LZTS1: variants seen among roughly 807,000 people sequenced by gnomAD.
LZTS1 encodes leucine zipper tumor suppressor 1, also known as leucine zipper putative tumor suppressor 1.
Under a neutral mutation model 45.8 loss-of-function variants are expected in LZTS1, and 31 were observed. The observed-to-expected ratio is 0.68, with a 90% CI of 0.51 to 0.91. The LOEUF (loss-of-function observed/expected upper bound fraction) is 0.91. Ranked by LOEUF, LZTS1 falls within the 40% of genes least tolerant of loss-of-function variation. The pLI is 0.00. For missense variants in LZTS1, 821 were observed against 788.9 expected (o/e 1.04, Z -0.49); for synonymous variants, 359 against 357.3 (o/e 1.00, Z -0.05).
chr8:20,258,552 T>C (rs1406054381), intron 1 of LZTS1, among the ~76,000 whole-genome samples: 1 of 152,198 alleles, frequency 6.6e-6, no homozygotes, highest in African/African-American at 2.4e-5. Context: ...AACTTCGTTG[T>C]GTAAGTTTAA....
chr8:20,274,443 G>A (rs1056947204), intron 1 of LZTS1, among the ~76,000 whole-genome samples: 1 of 152,108 alleles, frequency 6.6e-6, no homozygotes, highest in Non-Finnish European at 1.5e-5. Context: ...GAGCATAGCG[G>A]CAATCATCTC....
chr8:20,297,262 C>A (rs1047030054), intron 1 of LZTS1, among the ~76,000 whole-genome samples: 6 of 152,198 alleles, frequency 3.9e-5, no homozygotes, highest in Non-Finnish European at 7.3e-5. Flanking sequence ...GTGGAGGCAA[C>A]ATTTGCTCTA....
intron 3 of LZTS1, among the ~76,000 whole-genome samples, chr8:20,251,150 A>ATATATATATATATATATATATAT (rs1563851104): frequency 2.5e-5 from 2 of 79,004 alleles, no homozygotes; most frequent in Non-Finnish European, 5.4e-5. Flanking sequence ...TATATATATA[A>ATATATATATATATATATATATAT]AATATAAAGT....
At chr8:20,267,237 T>C (rs1800378613) in intron 1 of LZTS1, among the ~76,000 whole-genome samples, 1 of 144,640 alleles carries the variant, frequency 6.9e-6, no homozygotes, top group African/African-American at 2.5e-5. Context: ...CGTCCTTGTG[T>C]TCTTTTCCTC....
chr8:20,246,653 G>A lies in LZTS1; in HGVS notation c.*3069C>T, dbSNP rs1443893562. The A allele has an allele frequency of 1.3e-5, 2 of 152,286 alleles. No individual in the cohort carries two copies. Among genetic ancestry groups the A allele is most frequent in the Non-Finnish European group, 2.9e-5 (2 of 68,100 alleles). The allele number at this position is 152,286 out of a possible 1,614,324, so 9.4% of individuals were successfully genotyped here. On this transcript the variant is annotated 3_prime_UTR_variant, in exon 4 of 4. Coordinates refer to ENST00000381569, the MANE Select transcript of LZTS1 (RefSeq NM_021020.5). ...GCCCCCATATCCCAGTCCCATGTGA[G>A]CTCAGTGCTATAGGGGCTGTGTGTG...
At chr8:20,280,757 C>T (rs1204135297) in intron 1 of LZTS1, among the ~76,000 whole-genome samples, 2 of 152,144 alleles carry the variant, frequency 1.3e-5, no homozygotes, top group Non-Finnish European at 2.9e-5. Flanking sequence ...TCCGGACAGA[C>T]CCAGCTCTCC....
intron 1 of LZTS1, among the ~76,000 whole-genome samples, chr8:20,270,873 G>A (rs1800459936): frequency 6.6e-6 from 1 of 151,520 alleles, no homozygotes; most frequent in South Asian, 2.1e-4. Context: ...AGGGAGACCT[G>A]GTTGATTTCA....
chr8:20,249,536 GCTGGTGAGCACTGGGACAT>G lies in LZTS1; in HGVS notation c.*167_*185del. 1 of 689,006 alleles carries G rather than the reference GCTGGTGAGCACTGGGACAT, an allele frequency of 1.5e-6. No individual in the cohort carries two copies. Among genetic ancestry groups the G allele is most frequent in the Non-Finnish European group, 2.4e-6 (1 of 420,464 alleles). 42.7% of individuals were successfully genotyped at this position (689,006 alleles called of 1,614,324 possible). A position where few individuals can be genotyped will look rare whatever the true frequency, so the allele number is the denominator to read the frequency against. ...GGCCTGACGTCTGGTGGGCTGCAGGGCTGGTGAGCACTGGGACATCAGAGAGGGAAGGAAAGGCCATCCT... is the reference window on the plus strand; with the variant it reads ...GGCCTGACGTCTGGTGGGCTGCAGGGCAGAGAGGGAAGGAAAGGCCATCCT... On this transcript the variant is annotated 3_prime_UTR_variant, in exon 4 of 4. Transcript: ENST00000381569.
At chr8:20,288,487 A>G (rs1168193332) in intron 1 of LZTS1, among the ~76,000 whole-genome samples, 2 of 152,160 alleles carry the variant, frequency 1.3e-5, no homozygotes. Context: ...GTATGGGACG[A>G]TGTACGACAC....
intron 1 of LZTS1, among the ~76,000 whole-genome samples, chr8:20,273,616 T>C (rs1189762066): frequency 1.3e-5 from 2 of 152,120 alleles, no homozygotes; most frequent in African/African-American, 2.4e-5. Flanking sequence ...CCAGGAACTT[T>C]TGATTCCCAC....
chr8:20,292,973 C>T (rs1030059244), intron 1 of LZTS1, among the ~76,000 whole-genome samples: 2 of 152,110 alleles, frequency 1.3e-5, no homozygotes, highest in Non-Finnish European at 2.9e-5. Context: ...CCATGTGTCC[C>T]ATTAAATAAA....
In LZTS1 at chr8:20,255,146, G is replaced by A. The variant is rs748158277; in HGVS notation, c.36C>T (p.Ser12=). Residue 12 remains serine, a synonymous_variant, in exon 2 of 4, where the codon AGC becomes AGT. Transcript: ENST00000381569. The part of the protein sequence containing the change: ...GSVSSLISGH[S]FHSKHCRASQ... ...AAGCCCGGCAGTGCTTGCTGTGGAA[G>A]CTGTGGCCGGAGATGAGGCTACTGA... is the stretch of plus-strand genomic sequence containing the variant. The A allele has an allele frequency of 9.9e-6, 16 of 1,613,954 alleles. No individual in the cohort carries two copies. The highest frequency in any genetic ancestry group is 1.3e-5 in the Non-Finnish European group (15 of 1,179,918).
rs775166842 is a variant in LZTS1 at position 20,253,451 on chromosome 8, C to T, written c.480G>A (p.Gln160=). The T allele has an allele frequency of 6.2e-7, 1 of 1,611,180 alleles. No homozygotes were observed. Among genetic ancestry groups the T allele is most frequent in the Admixed American group, 1.7e-5 (1 of 59,826 alleles). Residue 160 remains glutamine (Q), a synonymous_variant, in exon 3 of 4, where the codon CAG becomes CAA. Coordinates refer to ENST00000381569, the MANE Select transcript of LZTS1 (RefSeq NM_021020.5). ...HPAPPDKPKE[Q]ELKPGLCSGA... ...CAGAGCACAGGCCAGGCTTCAGCTCCTGCTCCTTGGGCTTGTCTGGAGGGG... is the reference window on the plus strand; with the variant it reads ...CAGAGCACAGGCCAGGCTTCAGCTCTTGCTCCTTGGGCTTGTCTGGAGGGG...
In LZTS1 at chr8:20,268,519, G is replaced by C. The variant is rs138194410; in HGVS notation, c.-134-13204C>G. 4.5e-3 allele frequency among the ~76,000 whole-genome samples: 691 copies of C among 152,216 alleles called. 11 individuals carry two copies. Among genetic ancestry groups the C allele is most frequent in the African/African-American group, 0.016 (665 of 41,514 alleles). On this transcript the variant is annotated intron_variant, in intron 1 of 3. Transcript: ENST00000381569. ...CCTCCCATTTGCTGCTCTAGATGAG[G>C]GGGAAAGGGGTTGGGGGCCAGGGCT...
In LZTS1 at chr8:20,254,871, G is replaced by A. The variant is rs746341205; in HGVS notation, c.311C>T (p.Pro104Leu). ...AGVDFDPSTP[P>L]KLMPFSNQLE... ...CTGATTGGAGAAGGGCATGAGCTTGGGGGGTGTGGACGGGTCAAAGTCCAC... is the reference window on the plus strand; with the variant it reads ...CTGATTGGAGAAGGGCATGAGCTTGAGGGGTGTGGACGGGTCAAAGTCCAC... Residue 104 changes from proline (P) to leucine (L), a missense_variant, in exon 2 of 4, where the codon CCC becomes CTC. Transcript: ENST00000381569. The A allele has an allele frequency of 6.2e-7, 1 of 1,613,388 alleles. No homozygotes were observed. The highest frequency in any genetic ancestry group is 8.5e-7 in the Non-Finnish European group (1 of 1,179,616).
chr8:20,248,737 C>G lies in LZTS1; in HGVS notation c.*985G>C, dbSNP rs1799802209. On this transcript the variant is annotated 3_prime_UTR_variant, in exon 4 of 4. Coordinates refer to ENST00000381569, the MANE Select transcript of LZTS1 (RefSeq NM_021020.5). ...ATATGCCATCTTAGTGATATGGGCT[C>G]TTCTGGATCAAGCAAAAGCTTGATT... 1 of 152,174 alleles carries G rather than the reference C, an allele frequency of 6.6e-6. No individual in the cohort carries two copies. The highest frequency in any genetic ancestry group is 1.5e-5 in the Non-Finnish European group (1 of 68,026). The allele number at this position is 152,174 out of a possible 1,614,324, so 9.4% of individuals were successfully genotyped here. A position where few individuals can be genotyped will look rare whatever the true frequency, so the allele number is the denominator to read the frequency against.
At chr8:20,302,309 A>G (rs1245849001) in intron 1 of LZTS1, among the ~76,000 whole-genome samples, 4 of 152,188 alleles carry the variant, frequency 2.6e-5, no homozygotes, top group African/African-American at 9.7e-5. Context: ...CTCTGCCCAC[A>G]GACTTCTACC....
In LZTS1 at chr8:20,303,921, C is replaced by A. The variant is rs1337816210; in HGVS notation, c.-316G>T. ...CAGAGAAACTTTCGGCCTCCCCGCC[C>A]GGCCGCTGCCAACCCGCCAGCTCCA... is the stretch of plus-strand genomic sequence containing the variant. On this transcript the variant is annotated 5_prime_UTR_variant, in exon 1 of 4. Transcript: ENST00000381569. The A allele has an allele frequency of 1.7e-5, 17 of 983,896 alleles. No homozygotes were observed. Among genetic ancestry groups the A allele is most frequent in the Non-Finnish European group, 2.0e-5 (17 of 829,334 alleles). 60.9% of individuals were successfully genotyped at this position (983,896 alleles called of 1,614,324 possible).
At chr8:20,295,129 G>A (rs947507864) in intron 1 of LZTS1, among the ~76,000 whole-genome samples, 1 of 152,120 alleles carries the variant, frequency 6.6e-6, no homozygotes, top group Non-Finnish European at 1.5e-5. Context: ...AGGTCAGTCT[G>A]CCCTGCCTGA....
Sources: gnomAD v4.1 joint callset for allele counts (sites outside exome capture counted in the v4.1 genomes callset) on GRCh38, gnomAD v4.1.1 for gene constraint, MANE v1.5 for transcripts, NCBI Gene and HGNC (gene_info 2026-07-23, HGNC 2026-07-21) for gene names.